PSMA6: variants seen among roughly 807,000 people sequenced by gnomAD.
PSMA6 encodes the protein proteasome subunit alpha type-6.
For synonymous variants in PSMA6, 88 were observed against 97.7 expected, an observed-to-expected ratio of 0.90 and a Z score of 0.59; for missense variants, 170 against 294.8, an observed-to-expected ratio of 0.58 and a Z score of 3.10.
intron 3 of PSMA6, chr14:35,310,197 T>C: frequency 4.7e-6 from 2 of 424,590 alleles, no homozygotes; most frequent in African/African-American, 2.1e-5. Context: ...AGGCCTTTTT[T>C]TTTTTTTTTG....
intron 4 of PSMA6, among the ~76,000 whole-genome samples, chr14:35,311,803 G>C (rs1396312376): frequency 6.6e-6 from 1 of 152,170 alleles, no homozygotes; most frequent in Admixed American, 6.5e-5. Context: ...TACTAGAGGA[G>C]TATATACCAA....
At chr14:35,312,822 A>AAGAGGAGAT in intron 4 of PSMA6, 59 bp from the exon 5 acceptor site, 1 of 1,436,788 alleles carries the variant, frequency 7.0e-7, no homozygotes, top group South Asian at 1.3e-5. Flanking sequence ...ACCACCAAGA[A>AAGAGGAGAT]AGAGGAGATG....
At position 35,312,467 on chromosome 14, in the gene PSMA6, A is replaced by G. The variant is rs2051961627; in HGVS notation, c.410-414A>G. Among the ~76,000 whole-genome samples, 3 of 143,422 alleles carry G rather than the reference A, an allele frequency of 2.1e-5. No individual in the cohort carries two copies. In the South Asian group the frequency reaches 6.6e-4, roughly 31 times the overall value. 94.1% of individuals were successfully genotyped at this position (143,422 alleles called of 152,430 possible). A position where few individuals can be genotyped will look rare whatever the true frequency, so the allele number is the denominator to read the frequency against. ...GCTTGCAGTGAGCCGAGATCGTGCC[A>G]CTGCACTCCAGCCTGGGAGACAGAG... is the stretch of plus-strand genomic sequence containing the variant. On this transcript the variant is annotated intron_variant, in intron 4 of 6. Coordinates refer to ENST00000261479, the MANE Select transcript of PSMA6 (RefSeq NM_002791.3).
At chr14:35,296,391 C>G (rs1291516005) in intron 1 of PSMA6, among the ~76,000 whole-genome samples, 1 of 152,112 alleles carries the variant, frequency 6.6e-6, no homozygotes, top group Non-Finnish European at 1.5e-5. Flanking sequence ...AGTGCAATGG[C>G]GTGATCTCAG....
intron 6 of PSMA6, chr14:35,315,999 C>G (rs1305328964): frequency 6.6e-6 from 1 of 152,134 alleles, no homozygotes; most frequent in African/African-American, 2.4e-5. Flanking sequence ...GTCCTTTTGA[C>G]AAATTTCACT....
chr14:35,292,648 G>T, intron 1 of PSMA6, 96 bp downstream of exon 1: 1 of 1,545,898 alleles, frequency 6.5e-7, no homozygotes, highest in Non-Finnish European at 8.7e-7. Context: ...GTCTGGGGCC[G>T]AAGCTGGGCT....
chr14:35,294,741 A>T (rs2415285), intron 1 of PSMA6, among the ~76,000 whole-genome samples: 74 of 151,888 alleles, frequency 4.9e-4, no homozygotes, highest in African/African-American at 1.7e-3. Flanking sequence ...GTAGCTCTGT[A>T]TGGAATATTT....
upstream of PSMA6, among the ~76,000 whole-genome samples, chr14:35,289,380 A>G (rs1294873278): frequency 6.6e-6 from 1 of 151,724 alleles, no homozygotes; most frequent in Non-Finnish European, 1.5e-5. Flanking sequence ...CCCAGACTGG[A>G]GTGCAGTGGC....
Position 35,308,141 on chromosome 14 carries a change from G to A in PSMA6, c.171+53G>A, listed in dbSNP as rs1196956831. On this transcript the variant is annotated intron_variant, in intron 2 of 6. Transcript: ENST00000261479. Reference sequence around the variant, plus strand: ...AATTGCAGAATATAAGAATTTTTCAGCCAAGTGCAGTGGCTCACACCTGTA... The same window carrying A: ...AATTGCAGAATATAAGAATTTTTCAACCAAGTGCAGTGGCTCACACCTGTA... The A allele has an allele frequency of 3.8e-6, 6 of 1,596,112 alleles. No homozygotes were observed. In the African/African-American group the frequency reaches 6.7e-5, roughly 18 times the overall value.
chr14:35,278,588 G>A (rs1366264301), upstream of PSMA6: 2 of 1,104,898 alleles, frequency 1.8e-6, no homozygotes, highest in East Asian at 5.2e-5. Context: ...GATGCCAGTG[G>A]AATTCCCTGA....
At chr14:35,299,766 A>G (rs1290172407) in intron 1 of PSMA6, among the ~76,000 whole-genome samples, 2 of 152,038 alleles carry the variant, frequency 1.3e-5, no homozygotes, top group East Asian at 1.9e-4. Flanking sequence ...GGCAGTTTCC[A>G]TTTTTCTGGA....
chr14:35,280,753 G>C (rs887509949), intron 1 of PSMA6, among the ~76,000 whole-genome samples: 5 of 151,330 alleles, frequency 3.3e-5, no homozygotes, highest in African/African-American at 7.3e-5. Context: ...GGGTCTCACT[G>C]TGTTGCCCAG....
intron 3 of PSMA6, chr14:35,310,196 T>G: frequency 2.4e-6 from 1 of 416,014 alleles, no homozygotes; most frequent in East Asian, 7.4e-5. Context: ...AAGGCCTTTT[T>G]TTTTTTTTTT....
intron 1 of PSMA6, among the ~76,000 whole-genome samples, chr14:35,296,650 G>C (rs2051595584): frequency 6.6e-6 from 1 of 151,996 alleles, no homozygotes; most frequent in African/African-American, 2.4e-5. Flanking sequence ...TTTTCTGTAG[G>C]GGATACTGTC....
chr14:35,284,405 T>A (rs1266897461), intron 1 of PSMA6, among the ~76,000 whole-genome samples: 1 of 152,164 alleles, frequency 6.6e-6, no homozygotes, highest in Non-Finnish European at 1.5e-5. Flanking sequence ...CGTGAGCATA[T>A]AAGGTCATTT....
chr14:35,289,870 C>A (rs1350135847), upstream of PSMA6, among the ~76,000 whole-genome samples: 1 of 130,394 alleles, frequency 7.7e-6, no homozygotes, highest in Non-Finnish European at 1.5e-5. Flanking sequence ...CTGCAGTGAT[C>A]ATGCCACTGC....
intron 6 of PSMA6, 35 bp from the exon 7 acceptor site, chr14:35,317,214 T>A (rs2052060528): frequency 4.4e-6 from 7 of 1,593,292 alleles, no homozygotes; most frequent in Non-Finnish European, 6.0e-6. Flanking sequence ...AAATTTTTTT[T>A]AAATCGTTGT....
At chr14:35,284,129 T>G (rs985779453) in intron 1 of PSMA6, among the ~76,000 whole-genome samples, 8 of 152,222 alleles carry the variant, frequency 5.3e-5, no homozygotes, top group African/African-American at 1.4e-4. Flanking sequence ...CTTAGCTTAG[T>G]ATCCAAGGCC....
At chr14:35,299,255 C>A (rs1381681814) in intron 1 of PSMA6, among the ~76,000 whole-genome samples, 1 of 151,694 alleles carries the variant, frequency 6.6e-6, no homozygotes, top group African/African-American at 2.4e-5. Context: ...AACTCCTGGG[C>A]TCAACTGATC....
Sources: allele counts gnomAD v4.1 joint callset (sites outside exome capture counted in the v4.1 genomes callset), GRCh38; gene constraint gnomAD v4.1.1; transcripts MANE v1.5; gene names NCBI Gene and HGNC (gene_info 2026-07-23, HGNC 2026-07-21).